The following NEO1 variants were observed in gnomAD, a reference collection of about 807,000 sequenced individuals.
NEO1 encodes the protein neogenin 1, also known as neogenin.
Under a neutral mutation model 159.7 loss-of-function variants are expected in NEO1, and 63 were observed. That is an observed-to-expected ratio of 0.39 (90% CI 0.32 to 0.49). The LOEUF (loss-of-function observed/expected upper bound fraction) is 0.49. NEO1 is among the 20% of genes least tolerant of loss of function. The pLI, the probability that NEO1 is intolerant of heterozygous loss-of-function variation, is 0.85. For synonymous variants in NEO1, 633 were observed against 662.0 expected (o/e 0.96, Z 0.67); for missense variants, 1,615 against 1,831.0 (o/e 0.88, Z 2.15).
At chr15:73,227,669 T>C (rs2038669094) in intron 7 of NEO1, among the ~76,000 whole-genome samples, 1 of 152,226 alleles carries the variant, frequency 6.6e-6, no homozygotes, top group Non-Finnish European at 1.5e-5. Flanking sequence ...ACAGCAATGC[T>C]CACATTTGAA....
intron 7 of NEO1, among the ~76,000 whole-genome samples, chr15:73,179,800 CTG>C (rs910550125): frequency 1.3e-5 from 2 of 151,774 alleles, no homozygotes; most frequent in African/African-American, 4.8e-5. Flanking sequence ...CAACAGCATG[CTG>C]TGTATATCTT....
chr15:73,230,027 G>A (rs374002943), intron 7 of NEO1, among the ~76,000 whole-genome samples: 349 of 152,010 alleles, frequency 2.3e-3, no homozygotes, highest in Non-Finnish European at 3.6e-3. Context: ...TTTCTTTGTC[G>A]GGCTTTGATA....
chr15:73,178,335 T>C lies in NEO1; in HGVS notation c.1199T>C (p.Leu400Pro). Residue 400 changes from leucine (L) to proline (P), a missense_variant, in exon 7 of 29, where the codon CTG becomes CCG. Coordinates refer to ENST00000261908, the MANE Select transcript of NEO1 (RefSeq NM_002499.4). ...VKEHNLQVLG[L>P]VKSDEGFYQC... ...GAACATAATCTTCAAGTTTTGGGTC[T>C]GGTGAAATCAGATGAAGGGTTCTAT... is the stretch of plus-strand genomic sequence containing the variant. 2 of 1,613,572 alleles carry C rather than the reference T, an allele frequency of 1.2e-6. No individual in the cohort carries two copies. Among genetic ancestry groups the C allele is most frequent in the Non-Finnish European group, 1.7e-6 (2 of 1,179,646 alleles).
rs376822156 is a variant in NEO1 at position 73,135,863 on chromosome 15, CTTTTT to C, written c.879-12_879-8del. On this transcript the variant is annotated intron_variant, in intron 4 of 28. Transcript: ENST00000261908. Reference sequence around the variant, plus strand: ...TTATTTTCCTAGTACTGAAATGTATCTTTTTTTTTTTTTTTTTTTTAACACAGCTC... The same window carrying C: ...TTATTTTCCTAGTACTGAAATGTATCTTTTTTTTTTTTTTTAACACAGCTC... 7.7e-4 allele frequency: 990 copies of C among 1,289,884 alleles called. No individual in the cohort carries two copies. The highest frequency in any genetic ancestry group is 2.1e-3 in the South Asian group (107 of 51,624). The allele number at this position is 1,289,884 out of a possible 1,614,324, so 79.9% of individuals were successfully genotyped here.
intron 15 of NEO1, among the ~76,000 whole-genome samples, chr15:73,261,714 T>A (rs1360271940): frequency 6.6e-6 from 1 of 152,184 alleles, no homozygotes; most frequent in African/African-American, 2.4e-5. Context: ...GCCGTGATAT[T>A]ACTAAGGTGA....
At chr15:73,231,914 A>G (rs2038931781) in intron 7 of NEO1, among the ~76,000 whole-genome samples, 1 of 152,218 alleles carries the variant, frequency 6.6e-6, no homozygotes. Context: ...TAGCTTATCA[A>G]TAAGGTAAAC....
chr15:73,244,439 A>T lies in NEO1; in HGVS notation c.1547A>T (p.Gln516Leu). 6.2e-7 allele frequency: 1 copy of T among 1,614,074 alleles called. No individual in the cohort carries two copies. Among genetic ancestry groups the T allele is most frequent in the East Asian group, 2.2e-5 (1 of 44,860 alleles). ...ATVYIFRVMA[Q>L]NKHGSGESSA... is the part of the protein sequence containing the mutation. ...GTGTACATCTTTAGAGTTATGGCTC[A>T]AAATAAGCATGGCTCAGGAGAGAGT... The change falls in exon 9 of 29, where the codon CAA (glutamine) becomes CTA (leucine). Residue 516 changes from glutamine (Q) to leucine (L), a missense_variant. Gln to Leu is a moderately radical substitution (Grantham distance 113). Transcript: ENST00000261908.
Position 73,302,784 on chromosome 15 carries a change from G to T in NEO1, c.*88G>T. 8.1e-7 allele frequency: 1 copy of T among 1,236,500 alleles called. No homozygotes were observed. Among genetic ancestry groups the T allele is most frequent in the Non-Finnish European group, 1.2e-6 (1 of 859,670 alleles). 76.6% of individuals were successfully genotyped at this position (1,236,500 alleles called of 1,614,324 possible). Reference sequence around the variant, plus strand: ...ACAAGGAATTGTACAGAGTACGAGAGGACAGCACTTGAGAACACAGAATGA... The same window carrying T: ...ACAAGGAATTGTACAGAGTACGAGATGACAGCACTTGAGAACACAGAATGA... On this transcript the variant is annotated 3_prime_UTR_variant, in exon 29 of 29. Transcript: ENST00000261908.
intron 28 of NEO1, 122 bp downstream of exon 28, chr15:73,301,579 T>C: frequency 3.1e-6 from 4 of 1,291,878 alleles, no homozygotes; most frequent in South Asian, 2.8e-5. Flanking sequence ...ATGAAGCAGA[T>C]ACACTCATTC....
At chr15:73,115,470 A>G (rs942187643) in intron 1 of NEO1, among the ~76,000 whole-genome samples, 3 of 152,244 alleles carry the variant, frequency 2.0e-5, no homozygotes, top group Non-Finnish European at 4.4e-5. Flanking sequence ...TTCCTCTGCC[A>G]GTGTGTTTTA....
chr15:73,198,848 T>C (rs184650242), intron 7 of NEO1, among the ~76,000 whole-genome samples: 1 of 152,046 alleles, frequency 6.6e-6, no homozygotes, highest in Admixed American at 6.6e-5. Flanking sequence ...TTATATTAGA[T>C]TTATAGAAAA....
At chr15:73,218,350 G>A (rs2038024233) in intron 7 of NEO1, among the ~76,000 whole-genome samples, 1 of 150,310 alleles carries the variant, frequency 6.7e-6, no homozygotes, top group Admixed American at 6.6e-5. Context: ...GAGGATTTTT[G>A]CATCAATGTT....
At position 73,258,814 on chromosome 15, in the gene NEO1, T is replaced by C; in HGVS notation, c.2141T>C (p.Ile714Thr). ...AATTTCCGAGTGGCTGCTCTAACAATCAATGGTACAGGCCCGGCAACTGAC... is the reference window on the plus strand; with the variant it reads ...AATTTCCGAGTGGCTGCTCTAACAACCAATGGTACAGGCCCGGCAACTGAC... ...EYNFRVAALTINGTGPATDWL... is the reference protein window; with the variant it reads ...EYNFRVAALTTNGTGPATDWL... Residue 714 changes from isoleucine to threonine, a missense_variant, in exon 14 of 29, where the codon ATC (isoleucine) becomes ACC (threonine). Physicochemically the swap from Ile to Thr is moderately conservative, Grantham distance 89. Coordinates refer to ENST00000261908, the MANE Select transcript of NEO1 (RefSeq NM_002499.4). The C allele has an allele frequency of 6.2e-7, 1 of 1,613,934 alleles. No homozygotes were observed. The highest frequency in any genetic ancestry group is 8.5e-7 in the Non-Finnish European group (1 of 1,179,894).
At chr15:73,183,986 T>C (rs1043029214) in intron 7 of NEO1, among the ~76,000 whole-genome samples, 5 of 152,160 alleles carry the variant, frequency 3.3e-5, no homozygotes, top group African/African-American at 1.2e-4. Flanking sequence ...CAGCATACCG[T>C]GTTCAGCATT....
At chr15:73,279,022 C>T (rs1021274748) in intron 22 of NEO1, among the ~76,000 whole-genome samples, 1 of 152,158 alleles carries the variant, frequency 6.6e-6, no homozygotes, top group Non-Finnish European at 1.5e-5. Context: ...ATGAGAGAAA[C>T]GCCTGTCCCC....
intron 5 of NEO1, among the ~76,000 whole-genome samples, chr15:73,146,996 G>GATTAA (rs1251470545): frequency 1.3e-5 from 2 of 152,186 alleles, no homozygotes; most frequent in Non-Finnish European, 2.9e-5. Context: ...GCCACTAAGA[G>GATTAA]ATTAACATTG....
chr15:73,302,122 T>G (rs2042642472), intron 28 of NEO1, among the ~76,000 whole-genome samples: 1 of 152,272 alleles, frequency 6.6e-6, no homozygotes, highest in Non-Finnish European at 1.5e-5. Flanking sequence ...AGTTCTACTC[T>G]GTGACCTTTC....
chr15:73,178,295 TTTC>T lies in NEO1; in HGVS notation c.1171-5_1171-3del. 4 of 1,608,810 alleles carry T rather than the reference TTTC, an allele frequency of 2.5e-6. No individual in the cohort carries two copies. Among genetic ancestry groups the T allele is most frequent in the Non-Finnish European group, 3.4e-6 (4 of 1,176,700 alleles). On this transcript the variant is annotated splice_polypyrimidine_tract_variant and intron_variant, in intron 6 of 28. Transcript: ENST00000261908. Reference sequence around the variant, plus strand: ...TAAATTATGTAATTTTATTTATGCTTTTCTTCTTCAGAAGGAACATAATCTTCA... The same window carrying T: ...TAAATTATGTAATTTTATTTATGCTTTTCTTCAGAAGGAACATAATCTTCA...
intron 1 of NEO1, among the ~76,000 whole-genome samples, chr15:73,080,658 T>A (rs571879465): frequency 4.6e-5 from 7 of 152,054 alleles, no homozygotes; most frequent in Non-Finnish European, 8.8e-5. Context: ...GGTTAGTGGA[T>A]TAAAGGACAT....
Sources: allele counts gnomAD v4.1 joint callset (sites outside exome capture counted in the v4.1 genomes callset), GRCh38; gene constraint gnomAD v4.1.1; transcripts MANE v1.5; gene names NCBI Gene and HGNC (gene_info 2026-07-23, HGNC 2026-07-21).